SERPINB5: variants seen among roughly 807,000 people sequenced by gnomAD.
SERPINB5 encodes serpin family B member 5.
A neutral mutation model predicts 32.2 loss-of-function variants in SERPINB5; 27 were observed. The observed-to-expected ratio is 0.84, with a 90% confidence interval of 0.62 to 1.16. The LOEUF is 1.16. Ranked by LOEUF, SERPINB5 falls within the 50% of genes most tolerant of loss-of-function variation. The pLI is 0.00. For synonymous variants in SERPINB5, 154 were observed against 157.4 expected (o/e 0.98, Z 0.16); for missense variants, 388 against 436.3 (o/e 0.89, Z 0.99).
intron 6 of SERPINB5, 148 bp from the exon 7 acceptor site, chr18:63,503,182 C>CA (rs1300975692): frequency 2.4e-6 from 2 of 828,670 alleles, no homozygotes; most frequent in African/African-American, 3.4e-5. Context: ...TCCTGAGTCA[C>CA]ATACCAAAAA....
At chr18:63,479,709 G>A (rs964314356) in intron 1 of SERPINB5, among the ~76,000 whole-genome samples, 7 of 152,010 alleles carry the variant, frequency 4.6e-5, no homozygotes, top group South Asian at 2.1e-4. Flanking sequence ...GGGCTATGTC[G>A]TTTTCACCTT....
Position 63,498,836 on chromosome 18 carries a change from A to G in SERPINB5, c.568-284A>G, listed in dbSNP as rs1481938520. Among the ~76,000 whole-genome samples the G allele has an allele frequency of 2.2e-5, 3 of 138,498 alleles. No homozygotes were observed. Among genetic ancestry groups the G allele is most frequent in the African/African-American group, 7.7e-5 (3 of 38,776 alleles). 90.9% of individuals were successfully genotyped at this position (138,498 alleles called of 152,430 possible). On this transcript the variant is annotated intron_variant, in intron 5 of 6. Transcript: ENST00000382771. The surrounding 1 kb of genome is among the most constrained non-coding windows in gnomAD (Gnocchi z 4.2). ...GTGTGTATATATGTATGGGGTATAT[A>G]TATATAGTATGTATATATAAGTGTG...
At chr18:63,495,298 T>C (rs1358457566) in intron 5 of SERPINB5, among the ~76,000 whole-genome samples, 2 of 152,176 alleles carry the variant, frequency 1.3e-5, no homozygotes, top group Non-Finnish European at 2.9e-5. Context: ...ACCTTCTCAG[T>C]ATTGTCTTTT....
At position 63,503,811 on chromosome 18, in the gene SERPINB5, C is replaced by A; in HGVS notation, c.*89C>A. On this transcript the variant is annotated 3_prime_UTR_variant, in exon 7 of 7. Transcript: ENST00000382771. ...CATCCAGAGATTCATTTTCTAGATA[C>A]AATAAATTGCTAATGTTGCTGGATC... 7.5e-7 allele frequency: 1 copy of A among 1,341,066 alleles called. No homozygotes were observed. The highest frequency in any genetic ancestry group is 1.0e-6 in the Non-Finnish European group (1 of 957,786). 83.1% of individuals were successfully genotyped at this position (1,341,066 alleles called of 1,614,324 possible).
At position 63,493,030 on chromosome 18, in the gene SERPINB5, G is replaced by T; in HGVS notation, c.502G>T (p.Val168Phe). ...CCTTGTGGTTAATGCTGCCTACTTT[G>T]TTGGCAAGTGGATGAAGAAATTTTC... is the stretch of plus-strand genomic sequence containing the variant. Reference protein sequence around the residue: ...KILVVNAAYFVGKWMKKFSES... With the variant: ...KILVVNAAYFFGKWMKKFSES... The change falls in exon 5 of 7, where the codon GTT becomes TTT. Residue 168 changes from valine to phenylalanine, a missense_variant. Transcript: ENST00000382771. 2 of 1,614,218 alleles carry T rather than the reference G, an allele frequency of 1.2e-6. No individual in the cohort carries two copies. Among genetic ancestry groups the T allele is most frequent in the Non-Finnish European group, 1.7e-6 (2 of 1,180,040 alleles).
Position 63,503,372 on chromosome 18 carries a change from A to G in SERPINB5, c.778A>G (p.Asn260Asp). 1.2e-6 allele frequency: 2 copies of G among 1,614,224 alleles called. No homozygotes were observed. The highest frequency in any genetic ancestry group is 1.7e-6 in the Non-Finnish European group (2 of 1,180,028). The change falls in exon 7 of 7, where the codon AAT becomes GAT. Residue 260 changes from asparagine to aspartate, a missense_variant. Transcript: ENST00000382771. ...LNSESLSQWTNPSTMANAKVK... is the reference protein window; with the variant it reads ...LNSESLSQWTDPSTMANAKVK... ...CTCAGAGTCACTGTCACAGTGGACT[A>G]ATCCCAGCACCATGGCCAATGCCAA...
In SERPINB5 at chr18:63,500,231, CT is replaced by C. The variant is rs58217010; in HGVS notation, c.735+957del. Among the ~76,000 whole-genome samples, 509 of 139,890 alleles carry C rather than the reference CT, an allele frequency of 3.6e-3. 2 individuals are homozygous for C. Among genetic ancestry groups the C allele is most frequent in the African/African-American group, 5.7e-3 (218 of 38,162 alleles). 91.8% of individuals were successfully genotyped at this position (139,890 alleles called of 152,430 possible). ...TAAAGGCACACAGCACTATGCCTGG[CT>C]TTTTTTTTTTTTGTAAAGGTGGGAT... On this transcript the variant is annotated intron_variant, in intron 6 of 6. Coordinates refer to ENST00000382771, the MANE Select transcript of SERPINB5 (RefSeq NM_002639.5).
intron 5 of SERPINB5, among the ~76,000 whole-genome samples, chr18:63,497,569 T>C (rs1909478553): frequency 6.7e-6 from 1 of 150,316 alleles, no homozygotes; most frequent in East Asian, 1.9e-4. Context: ...TAAAAAGACT[T>C]AGAGATAATT....
chr18:63,491,335 G>A (rs1244621329), intron 4 of SERPINB5, among the ~76,000 whole-genome samples: 1 of 148,138 alleles, frequency 6.8e-6, no homozygotes, highest in African/African-American at 2.5e-5. Flanking sequence ...CTGGGAGGCG[G>A]AGGTTGCAAT....
At chr18:63,492,646 G>T (rs1909364798) in intron 4 of SERPINB5, among the ~76,000 whole-genome samples, 1 of 152,180 alleles carries the variant, frequency 6.6e-6, no homozygotes, top group South Asian at 2.1e-4. Flanking sequence ...TATATAATGT[G>T]TATCAAATAG....
intron 1 of SERPINB5, among the ~76,000 whole-genome samples, chr18:63,481,958 G>A (rs935892070): frequency 3.3e-5 from 5 of 152,168 alleles, no homozygotes; most frequent in Admixed American, 2.0e-4. Flanking sequence ...AGGGGGCCTC[G>A]TGGTATATTT....
Position 63,496,146 on chromosome 18 carries a change from G to A in SERPINB5, c.568-2974G>A, listed in dbSNP as rs147965687. ...TTCAGAAGATATGTCGTCTCAACAT[G>A]TGTTTCAGAAAATAAAGTACCTGTA... On this transcript the variant is annotated intron_variant, in intron 5 of 6. Transcript: ENST00000382771. Among the ~76,000 whole-genome samples the A allele has an allele frequency of 2.0e-5, 3 of 152,108 alleles. No homozygotes were observed. In the East Asian group the frequency reaches 5.8e-4, roughly 29 times the overall value.
intron 1 of SERPINB5, among the ~76,000 whole-genome samples, chr18:63,480,896 T>A (rs1035700838): frequency 2.6e-5 from 4 of 152,192 alleles, no homozygotes; most frequent in African/African-American, 9.7e-5. Context: ...CCCCAGATAC[T>A]AAGGGCTGTA....
intron 2 of SERPINB5, among the ~76,000 whole-genome samples, chr18:63,486,340 T>A (rs1917214044): frequency 6.6e-6 from 1 of 152,124 alleles, no homozygotes; most frequent in Non-Finnish European, 1.5e-5. Flanking sequence ...CCATCAGAAA[T>A]GACACATCTA....
chr18:63,493,282 C>G (rs1280088319), intron 5 of SERPINB5, 187 bp downstream of exon 5: 2 of 699,746 alleles, frequency 2.9e-6, no homozygotes, highest in African/African-American at 3.6e-5. Flanking sequence ...GGCCCCCCCT[C>G]CTCTTTTCCA....
In SERPINB5 at chr18:63,498,203, C is replaced by T. The variant is rs1052886903; in HGVS notation, c.568-917C>T. 1.3e-5 allele frequency among the ~76,000 whole-genome samples: 2 copies of T among 152,128 alleles called. No individual in the cohort carries two copies. The highest frequency in any genetic ancestry group is 4.8e-5 in the African/African-American group (2 of 41,410). ...CTCCCAGGCTCAAGCAATTCTCCTC[C>T]CTCAGTTTCCCAAGAAGCTGAGATT... On this transcript the variant is annotated intron_variant, in intron 5 of 6. Transcript: ENST00000382771. The surrounding 1 kb of genome is among the most constrained non-coding windows in gnomAD (Gnocchi z 4.2).
rs1909508920 is a variant in SERPINB5 at position 63,498,913 on chromosome 18, A to G, written c.568-207A>G. Among the ~76,000 whole-genome samples, 1 of 150,844 alleles carries G rather than the reference A, an allele frequency of 6.6e-6. No homozygotes were observed. The highest frequency in any genetic ancestry group is 1.5e-5 in the Non-Finnish European group (1 of 67,776). On this transcript the variant is annotated intron_variant, in intron 5 of 6. Transcript: ENST00000382771. The surrounding 1 kb of genome is among the most constrained non-coding windows in gnomAD (Gnocchi z 4.2). ...TGTATGTATATGTATGTATGCATAT[A>G]TATGTATATGTGTATATATAGGTGT...
chr18:63,492,983 G>T lies in SERPINB5; in HGVS notation c.455G>T (p.Ser152Ile). 1 of 1,614,042 alleles carries T rather than the reference G, an allele frequency of 6.2e-7. No homozygotes were observed. The highest frequency in any genetic ancestry group is 8.5e-7 in the Non-Finnish European group (1 of 1,179,924). ...TTTGAGAACATTTTAGCTGACAACAGTGTGAACGACCAGACCAAAATCCTT... is the reference window on the plus strand; with the variant it reads ...TTTGAGAACATTTTAGCTGACAACATTGTGAACGACCAGACCAAAATCCTT... ...GHFENILADN[S>I]VNDQTKILVV... The change falls in exon 5 of 7, where the codon AGT becomes ATT. Residue 152 changes from serine (S) to isoleucine (I), a missense_variant. Coordinates refer to ENST00000382771, the MANE Select transcript of SERPINB5 (RefSeq NM_002639.5).
In SERPINB5 at chr18:63,484,485, A is replaced by G. The variant is rs754525327; in HGVS notation, c.57A>G (p.Leu19=). 2.5e-6 allele frequency: 4 copies of G among 1,614,198 alleles called. No homozygotes were observed. Among genetic ancestry groups the G allele is most frequent in the Non-Finnish European group, 3.4e-6 (4 of 1,180,030 alleles). The change falls in exon 2 of 7, where the codon CTA becomes CTG. Residue 19 remains leucine (L), a synonymous_variant. Coordinates refer to ENST00000382771, the MANE Select transcript of SERPINB5 (RefSeq NM_002639.5). ...TTGCCGTTGATCTGTTCAAACAACT[A>G]TGTGAAAAGGAGCCACTGGGCAATG... The part of the protein sequence containing the change: ...SAFAVDLFKQ[L]CEKEPLGNVL...
Sources: gnomAD v4.1 joint callset for allele counts (sites outside exome capture counted in the v4.1 genomes callset) on GRCh38, gnomAD v4.1.1 for gene constraint, Gnocchi (gnomAD v3.1) non-coding constraint, MANE v1.5 for transcripts, NCBI Gene and HGNC (gene_info 2026-07-23, HGNC 2026-07-21) for gene names.